The following DGKD variants were observed in gnomAD, a reference collection of about 807,000 sequenced individuals.
DGKD encodes diacylglycerol kinase delta.
DGKD carries 68 observed loss-of-function variants against 154.4 expected under a neutral mutation model. The observed-to-expected ratio is 0.44, with a 90% CI of 0.36 to 0.54. DGKD has a LOEUF of 0.54. Ranked by LOEUF, DGKD falls within the 20% of genes least tolerant of loss-of-function variation. The pLI is 0.00. For synonymous variants in DGKD, 693 were observed against 638.0 expected (o/e 1.09, Z -1.30); for missense variants, 1,343 against 1,593.6 (o/e 0.84, Z 2.68).
chr2:233,391,488 A>G (rs979716401), intron 3 of DGKD, among the ~76,000 whole-genome samples: 1 of 152,094 alleles, frequency 6.6e-6, no homozygotes, highest in African/African-American at 2.4e-5. Flanking sequence ...TTTAATGGCT[A>G]TAGTAGCATT....
chr2:233,359,223 C>T (rs987990671), intron 1 of DGKD, among the ~76,000 whole-genome samples: 53 of 152,186 alleles, frequency 3.5e-4, no homozygotes, highest in African/African-American at 1.3e-3. Flanking sequence ...GTGTCTAAAC[C>T]TCCCTTAAGA....
chr2:233,404,127 T>C (rs1203826395), intron 3 of DGKD, among the ~76,000 whole-genome samples: 2 of 152,242 alleles, frequency 1.3e-5, no homozygotes, highest in Non-Finnish European at 2.9e-5. Context: ...ACATGTGTTA[T>C]ATACATGTAT....
Position 233,460,205 on chromosome 2 carries a change from C to T in DGKD, c.2841C>T (p.Ser947=). Residue 947 remains serine, a synonymous_variant, in exon 24 of 30, where the codon AGC becomes AGT. Transcript: ENST00000264057. ...TTTCGGGTCCATAGGCATTTGAGAG[C>T]ACCCTGAAGTCCTGGGAAGACAAGC... ...QTLTRDRAFE[S]TLKSWEDKQK... is the part of the protein sequence containing the mutation. 1.9e-6 allele frequency: 3 copies of T among 1,613,820 alleles called. No individual in the cohort carries two copies. Among genetic ancestry groups the T allele is most frequent in the Non-Finnish European group, 2.5e-6 (3 of 1,179,908 alleles).
At chr2:233,416,077 C>T (rs1318193521) in intron 3 of DGKD, among the ~76,000 whole-genome samples, 2 of 152,200 alleles carry the variant, frequency 1.3e-5, no homozygotes, top group Admixed American at 1.3e-4. Context: ...CTTTTTTAAA[C>T]ACAATACGAT....
In DGKD at chr2:233,459,998, T is replaced by G. The variant is rs2063574370; in HGVS notation, c.2829+107T>G. The G allele has an allele frequency of 1.4e-6, 2 of 1,458,798 alleles. No individual in the cohort carries two copies. Among genetic ancestry groups the G allele is most frequent in the African/African-American group, 2.9e-5 (2 of 69,650 alleles). 90.4% of individuals were successfully genotyped at this position (1,458,798 alleles called of 1,614,324 possible). A position where few individuals can be genotyped will look rare whatever the true frequency, so the allele number is the denominator to read the frequency against. On this transcript the variant is annotated intron_variant, in intron 23 of 29. Coordinates refer to ENST00000264057, the MANE Select transcript of DGKD (RefSeq NM_152879.3). The surrounding 1 kb of genome is among the most constrained non-coding windows in gnomAD (Gnocchi z 5.7). ...TTTTTGTGTTTTGTTCTAGGATTTT[T>G]TTTTTTTTTAAGACACAATGATTAA...
chr2:233,390,215 C>A (rs1006393191), intron 2 of DGKD, among the ~76,000 whole-genome samples, 188 bp from the exon 3 acceptor site: 25 of 152,088 alleles, frequency 1.6e-4, no homozygotes, highest in South Asian at 2.1e-4. Context: ...TGAGCCCGAG[C>A]TTTTGGTTAG....
intron 3 of DGKD, among the ~76,000 whole-genome samples, chr2:233,412,495 G>A (rs956827732): frequency 2.6e-5 from 4 of 152,206 alleles, no homozygotes; most frequent in Non-Finnish European, 5.9e-5. Flanking sequence ...TAGTCATTGT[G>A]TAGATTCCCT....
At chr2:233,366,518 C>T (rs775123328) in intron 1 of DGKD, among the ~76,000 whole-genome samples, 1 of 152,198 alleles carries the variant, frequency 6.6e-6, no homozygotes, top group Middle Eastern at 3.4e-3. Flanking sequence ...TGGTTGAGGA[C>T]AGCTTTGGGG....
rs1329676196 is a variant in DGKD at position 233,470,939 on chromosome 2, G to T, written c.*1479G>T. ...TTTAGTCAGCGTCACTCCATCTGAT[G>T]TGCAGAAGCTGGGCTGCACCTGCGG... On this transcript the variant is annotated 3_prime_UTR_variant, in exon 30 of 30. Coordinates refer to ENST00000264057, the MANE Select transcript of DGKD (RefSeq NM_152879.3). The T allele has an allele frequency of 6.6e-6, 1 of 152,516 alleles. No homozygotes were observed. The highest frequency in any genetic ancestry group is 1.5e-5 in the Non-Finnish European group (1 of 68,190). The allele number at this position is 152,516 out of a possible 1,614,324, so 9.4% of individuals were successfully genotyped here.
chr2:233,436,970 G>A (rs2062717729), intron 7 of DGKD, among the ~76,000 whole-genome samples: 1 of 152,218 alleles, frequency 6.6e-6, no homozygotes, highest in African/African-American at 2.4e-5. Context: ...ATTGTGAAGT[G>A]GCTGCTGCAG....
At chr2:233,425,600 A>G (rs1042672684) in intron 3 of DGKD, among the ~76,000 whole-genome samples, 23 of 152,196 alleles carry the variant, frequency 1.5e-4, no homozygotes, top group African/African-American at 5.6e-4. Context: ...AGGTCCTCTC[A>G]GTTAGAGGTG....
intron 26 of DGKD, among the ~76,000 whole-genome samples, chr2:233,463,663 C>T (rs371130671): frequency 2.0e-5 from 3 of 152,114 alleles, no homozygotes; most frequent in South Asian, 2.1e-4. Flanking sequence ...CCTCACTGCA[C>T]GCATCTCCTC....
chr2:233,374,394 GTGCCATCATCACTCAC>G (rs1388379581), intron 1 of DGKD, among the ~76,000 whole-genome samples: 2 of 152,126 alleles, frequency 1.3e-5, no homozygotes, highest in Admixed American at 6.5e-5. Flanking sequence ...GAGTGCAGTG[GTGCCATCATCACTCAC>G]TGCAGCCTTG....
intron 3 of DGKD, among the ~76,000 whole-genome samples, chr2:233,407,488 G>C (rs1335925669): frequency 6.6e-6 from 1 of 152,218 alleles, no homozygotes; most frequent in Non-Finnish European, 1.5e-5. Flanking sequence ...TGTCATGGCA[G>C]AGCACGGTGG....
intron 3 of DGKD, among the ~76,000 whole-genome samples, chr2:233,404,138 A>G (rs1399593024): frequency 6.6e-6 from 1 of 152,144 alleles, no homozygotes; most frequent in Non-Finnish European, 1.5e-5. Flanking sequence ...ATACATGTAT[A>G]ATTTTGTATT....
Position 233,469,493 on chromosome 2 carries a change from C to A in DGKD, c.*33C>A. ...CCTCTCAGCCTGTGGCCTCCACATC[C>A]CCGCCGCCGAGGCCTAGCCTCCGCC... On this transcript the variant is annotated 3_prime_UTR_variant, in exon 30 of 30. Coordinates refer to ENST00000264057, the MANE Select transcript of DGKD (RefSeq NM_152879.3). 1 of 1,551,372 alleles carries A rather than the reference C, an allele frequency of 6.4e-7. No individual in the cohort carries two copies. Among genetic ancestry groups the A allele is most frequent in the Non-Finnish European group, 8.7e-7 (1 of 1,143,822 alleles).
chr2:233,398,084 C>A (rs1245393772), intron 3 of DGKD, among the ~76,000 whole-genome samples: 1 of 101,332 alleles, frequency 9.9e-6, no homozygotes, highest in Non-Finnish European at 1.8e-5. Flanking sequence ...CAGCTCCCAC[C>A]CCCCACCCCC....
At chr2:233,446,233 CACTG>C (rs2063065559) in intron 11 of DGKD, among the ~76,000 whole-genome samples, 1 of 152,272 alleles carries the variant, frequency 6.6e-6, no homozygotes, top group Non-Finnish European at 1.5e-5. Flanking sequence ...ACTTGGCACT[CACTG>C]ACCACATGCC....
At chr2:233,407,296 G>A (rs2061710068) in intron 3 of DGKD, among the ~76,000 whole-genome samples, 2 of 152,188 alleles carry the variant, frequency 1.3e-5, no homozygotes, top group South Asian at 2.1e-4. Flanking sequence ...AATAGCTTTT[G>A]TAGCAGAAGA....
Sources: gnomAD v4.1 joint callset for allele counts (sites outside exome capture counted in the v4.1 genomes callset) on GRCh38, gnomAD v4.1.1 for gene constraint, Gnocchi (gnomAD v3.1) non-coding constraint, MANE v1.5 for transcripts, NCBI Gene and HGNC (gene_info 2026-07-23, HGNC 2026-07-21) for gene names.